Variants in SNX29 observed in about 807,000 individuals in gnomAD.
The protein encoded by SNX29 is sorting nexin-29.
A neutral mutation model predicts 102.1 loss-of-function variants in SNX29; 78 were observed. The observed-to-expected ratio is 0.76, with a 90% CI of 0.64 to 0.92. SNX29 has a LOEUF of 0.92. Among genes scored for constraint, SNX29 ranks in the 40% least tolerant of loss-of-function variants. The probability of loss-of-function intolerance (pLI) is 0.00; values close to 1 mark genes in which losing one functional copy is unlikely to be tolerated. For synonymous variants in SNX29, 580 were observed against 414.5 expected, an observed-to-expected ratio of 1.40 and a Z score of -4.85; for missense variants, 1,280 against 1,061.7, an observed-to-expected ratio of 1.21 and a Z score of -2.86.
chr16:12,262,370 G>A (rs925880890), intron 14 of SNX29, among the ~76,000 whole-genome samples: 1 of 152,194 alleles, frequency 6.6e-6, no homozygotes, highest in Middle Eastern at 3.4e-3. Context: ...AATTTAAACT[G>A]CATCCCCTTT....
intron 20 of SNX29, among the ~76,000 whole-genome samples, chr16:12,568,156 G>A (rs551846503): frequency 9.9e-5 from 15 of 152,236 alleles, no homozygotes; most frequent in East Asian, 5.8e-4. Context: ...ACTTAGAAGC[G>A]TACCTTTGCT....
At chr16:12,255,214 G>A (rs2078534270) in intron 14 of SNX29, among the ~76,000 whole-genome samples, 1 of 151,184 alleles carries the variant, frequency 6.6e-6, no homozygotes, top group South Asian at 2.1e-4. Context: ...TTATTTTTTT[G>A]AGACTGAGTC....
At chr16:12,264,186 G>T (rs919692779) in intron 14 of SNX29, among the ~76,000 whole-genome samples, 2 of 152,236 alleles carry the variant, frequency 1.3e-5, no homozygotes, top group Admixed American at 6.5e-5. Context: ...CAGCCCCTGT[G>T]CCTTTTGCAG....
intron 14 of SNX29, among the ~76,000 whole-genome samples, chr16:12,230,438 T>C (rs371927905): frequency 6.6e-6 from 1 of 152,210 alleles, no homozygotes; most frequent in African/African-American, 2.4e-5. Context: ...AGTAGCAGGA[T>C]TGCAAAGTGC....
chr16:12,173,215 G>C (rs906126591), intron 13 of SNX29, among the ~76,000 whole-genome samples: 4 of 152,214 alleles, frequency 2.6e-5, no homozygotes, highest in African/African-American at 9.6e-5. Context: ...GTAGCTATTA[G>C]ATAAAAGTGG....
At chr16:12,432,084 C>G (rs539536754) in intron 18 of SNX29, among the ~76,000 whole-genome samples, 6 of 152,146 alleles carry the variant, frequency 3.9e-5, no homozygotes. Context: ...GAAATAAGAC[C>G]TGGTGATGGT....
chr16:12,131,154 C>T (rs2054450796), intron 13 of SNX29, among the ~76,000 whole-genome samples: 2 of 152,206 alleles, frequency 1.3e-5, no homozygotes, highest in South Asian at 2.1e-4. Flanking sequence ...TGTGCTCTCA[C>T]AGCCATGGGA....
Position 12,247,916 on chromosome 16 carries a change from G to A in SNX29, c.1679-30017G>A, listed in dbSNP as rs990752924. 7.9e-5 allele frequency among the ~76,000 whole-genome samples: 12 copies of A among 152,186 alleles called. No homozygotes were observed. The East Asian group carries it at 2.3e-3, about 29-fold the overall frequency. On this transcript the variant is annotated intron_variant, in intron 14 of 20. Transcript: ENST00000566228. ...CAGAGAAAGGAAGATAATGCGTGGT[G>A]TGTTGTTTACCACACACTGTGTAGA...
At chr16:12,181,494 C>T (rs190289635) in intron 13 of SNX29, among the ~76,000 whole-genome samples, 2 of 152,326 alleles carry the variant, frequency 1.3e-5, no homozygotes, top group African/African-American at 2.4e-5. Flanking sequence ...GCATTCAGCT[C>T]AGTGAGTAGA....
At chr16:12,294,943 C>A (rs1029913111) in intron 15 of SNX29, among the ~76,000 whole-genome samples, 1 of 151,932 alleles carries the variant, frequency 6.6e-6, no homozygotes, top group Non-Finnish European at 1.5e-5. Context: ...GCTGGGGAGG[C>A]CTCACAATCA....
intron 20 of SNX29, among the ~76,000 whole-genome samples, chr16:12,551,594 C>T (rs543036910): frequency 1.3e-5 from 2 of 152,292 alleles, no homozygotes; most frequent in East Asian, 1.9e-4. Context: ...GGAACAAATT[C>T]TGGTGTTACA....
At chr16:12,470,481 C>G (rs1048931048) in intron 18 of SNX29, among the ~76,000 whole-genome samples, 2 of 152,172 alleles carry the variant, frequency 1.3e-5, no homozygotes, top group African/African-American at 4.8e-5. Flanking sequence ...GTGGCAGGGA[C>G]TGGATAAATG....
Position 12,027,629 on chromosome 16 carries a change from A to C in SNX29, c.247+185A>C, listed in dbSNP as rs574430171. 2.8e-5 allele frequency: 18 copies of C among 638,426 alleles called. No individual in the cohort carries two copies. The East Asian group carries it at 6.2e-4, about 22-fold the overall frequency. 39.5% of individuals were successfully genotyped at this position (638,426 alleles called of 1,614,324 possible). On this transcript the variant is annotated intron_variant, in intron 4 of 20. Transcript: ENST00000566228. The stretch of plus-strand genomic sequence containing the variant: ...ATGGTGTTGTCTGGCATCTTAATTT[A>C]AATGAAGTCATCTTTTGTGCAGAAT...
chr16:12,389,284 C>G (rs894878246), intron 16 of SNX29, among the ~76,000 whole-genome samples: 2 of 152,164 alleles, frequency 1.3e-5, no homozygotes, highest in African/African-American at 4.8e-5. Context: ...TGTCCCCACC[C>G]AAATTTCATC....
intron 14 of SNX29, among the ~76,000 whole-genome samples, chr16:12,264,770 A>C (rs78623787): frequency 6.6e-6 from 1 of 151,582 alleles, no homozygotes; most frequent in African/African-American, 2.4e-5. Context: ...TCTGTTTCAA[A>C]AAAAAAAAAA....
intron 18 of SNX29, among the ~76,000 whole-genome samples, chr16:12,422,108 T>A (rs1199304768): frequency 1.3e-5 from 2 of 152,234 alleles, no homozygotes; most frequent in African/African-American, 4.8e-5. Context: ...TCTCCTTTCT[T>A]AGGGAAACTC....
chr16:12,537,024 G>C (rs1414429765), intron 20 of SNX29, among the ~76,000 whole-genome samples: 1 of 152,158 alleles, frequency 6.6e-6, no homozygotes, highest in African/African-American at 2.4e-5. Flanking sequence ...GGGGGCCGGG[G>C]GAGCACACAG....
At chr16:12,526,486 C>G (rs1314253332) in intron 20 of SNX29, 2 of 488,156 alleles carry the variant, frequency 4.1e-6, no homozygotes, top group Non-Finnish European at 4.0e-6. Flanking sequence ...GCCTTTTTGT[C>G]CTGAATAGAA....
At chr16:12,013,500 A>AAAAAAATATATATAT in intron 3 of SNX29, among the ~76,000 whole-genome samples, 13 of 31,610 alleles carry the variant, frequency 4.1e-4, no homozygotes, top group Non-Finnish European at 6.2e-4. Flanking sequence ...AAAAAAAAAA[A>AAAAAAATATATATAT]ATATATATAT....
Sources: gnomAD v4.1 joint callset for allele counts (sites outside exome capture counted in the v4.1 genomes callset) on GRCh38, gnomAD v4.1.1 for gene constraint, MANE v1.5 for transcripts, NCBI Gene and HGNC (gene_info 2026-07-23, HGNC 2026-07-21) for gene names.